GRID2: variants seen among roughly 807,000 people sequenced by gnomAD.
GRID2 encodes glutamate ionotropic receptor delta type subunit 2.
A neutral mutation model predicts 114.8 loss-of-function variants in GRID2; 33 were observed. That is an observed-to-expected ratio of 0.29 (90% CI 0.22 to 0.38). The LOEUF is 0.38. GRID2 is among the 10% of genes least tolerant of loss of function. The probability of loss-of-function intolerance (pLI) is 1.00; values close to 1 mark genes in which losing one functional copy is unlikely to be tolerated. For synonymous variants in GRID2, 505 were observed against 449.9 expected, an observed-to-expected ratio of 1.12 and a Z score of -1.55; for missense variants, 1,184 against 1,257.7, an observed-to-expected ratio of 0.94 and a Z score of 0.89.
At chr4:93,537,107 A>C (rs1732169259) in intron 13 of GRID2, among the ~76,000 whole-genome samples, 1 of 151,650 alleles carries the variant, frequency 6.6e-6, no homozygotes, top group Non-Finnish European at 1.5e-5. Flanking sequence ...GATTATGTAT[A>C]ATTATTTTCT....
intron 1 of GRID2, among the ~76,000 whole-genome samples, chr4:92,528,726 C>G (rs542537489): frequency 2.0e-5 from 3 of 149,862 alleles, no homozygotes; most frequent in South Asian, 4.2e-4. Context: ...AGCTCTCAGA[C>G]TGTAAATGAA....
intron 5 of GRID2, among the ~76,000 whole-genome samples, chr4:93,210,698 G>GAAT (rs1241075299): frequency 1.3e-5 from 2 of 151,982 alleles, no homozygotes; most frequent in East Asian, 3.8e-4. Context: ...GGTGTAACCT[G>GAAT]AATAGACTAG....
At chr4:92,769,342 C>G (rs1738421838) in intron 2 of GRID2, among the ~76,000 whole-genome samples, 1 of 152,220 alleles carries the variant, frequency 6.6e-6, no homozygotes, top group Non-Finnish European at 1.5e-5. Context: ...CAGCCTCCCT[C>G]TCACCTGCTT....
intron 2 of GRID2, among the ~76,000 whole-genome samples, chr4:92,981,128 G>C (rs1457042426): frequency 1.3e-5 from 2 of 151,930 alleles, no homozygotes; most frequent in African/African-American, 2.4e-5. Flanking sequence ...CAATATTTCT[G>C]TATCTTTGGT....
At chr4:93,425,782 C>A (rs182528367) in intron 10 of GRID2, among the ~76,000 whole-genome samples, 3 of 152,256 alleles carry the variant, frequency 2.0e-5, no homozygotes, top group East Asian at 1.9e-4. Context: ...TCTACTTGAG[C>A]TCTGTCGACC....
intron 8 of GRID2, among the ~76,000 whole-genome samples, chr4:93,389,064 G>A (rs1268604263): frequency 1.3e-5 from 2 of 152,138 alleles, no homozygotes; most frequent in East Asian, 1.9e-4. Context: ...AACCTTGTCA[G>A]TTTCATAAAA....
intron 2 of GRID2, among the ~76,000 whole-genome samples, chr4:92,965,917 T>G (rs1254285990): frequency 6.6e-6 from 1 of 151,906 alleles, no homozygotes; most frequent in Non-Finnish European, 1.5e-5. Context: ...GAATTTAGTC[T>G]TCTGACCAAA....
In GRID2 at chr4:92,770,669, C is replaced by G. The variant is rs949310874; in HGVS notation, c.244+180383C>G. The stretch of plus-strand genomic sequence containing the variant: ...TGAATGGTGGCAGGCAAAGAGAGAA[C>G]TTGTGCGGGGAAACTCCCATTTTTA... On this transcript the variant is annotated intron_variant, in intron 2 of 15. Coordinates refer to ENST00000282020, the MANE Select transcript of GRID2 (RefSeq NM_001510.4). 3.9e-5 allele frequency among the ~76,000 whole-genome samples: 6 copies of G among 152,098 alleles called. No individual in the cohort carries two copies. In the East Asian group the frequency reaches 1.2e-3, roughly 29 times the overall value.
chr4:93,033,706 CT>C (rs961126890), intron 2 of GRID2, among the ~76,000 whole-genome samples: 1 of 152,090 alleles, frequency 6.6e-6, no homozygotes, highest in African/African-American at 2.4e-5. Flanking sequence ...TCTGTTTCAA[CT>C]TTTTTTCATT....
intron 4 of GRID2, among the ~76,000 whole-genome samples, chr4:93,128,024 C>CAAA (rs1175904517): frequency 5.8e-4 from 11 of 18,998 alleles, no homozygotes; most frequent in Non-Finnish European, 8.4e-4. Flanking sequence ...TTGTCCCCCG[C>CAAA]AACAAAAAAA....
chr4:92,456,551 G>T (rs1447002501), intron 1 of GRID2, among the ~76,000 whole-genome samples: 1 of 152,060 alleles, frequency 6.6e-6, no homozygotes, highest in African/African-American at 2.4e-5. Flanking sequence ...GCAGAACTCA[G>T]GGGAAAAGGT....
intron 2 of GRID2, among the ~76,000 whole-genome samples, chr4:93,055,830 C>G (rs906041064): frequency 3.3e-5 from 5 of 151,838 alleles, no homozygotes; most frequent in African/African-American, 7.3e-5. Flanking sequence ...AATATGTATC[C>G]GCTGAAATTT....
intron 9 of GRID2, among the ~76,000 whole-genome samples, chr4:93,415,070 C>T (rs1767573249): frequency 6.6e-6 from 1 of 152,044 alleles, no homozygotes; most frequent in African/African-American, 2.4e-5. Context: ...AACATTACTA[C>T]TTCTTATAAT....
intron 1 of GRID2, among the ~76,000 whole-genome samples, chr4:92,523,866 T>C (rs1293387454): frequency 6.6e-6 from 1 of 151,966 alleles, no homozygotes; most frequent in Non-Finnish European, 1.5e-5. Flanking sequence ...GAACTGTAGC[T>C]TTGGTTGTGG....
intron 9 of GRID2, among the ~76,000 whole-genome samples, chr4:93,411,035 C>T (rs916473204): frequency 6.6e-6 from 1 of 152,138 alleles, no homozygotes; most frequent in African/African-American, 2.4e-5. Context: ...CTGCTTCAGA[C>T]TCATTATCCA....
chr4:92,674,786 C>A (rs1733260677), intron 2 of GRID2, among the ~76,000 whole-genome samples: 1 of 152,100 alleles, frequency 6.6e-6, no homozygotes, highest in Non-Finnish European at 1.5e-5. Context: ...CTCCCAAAGT[C>A]CAAAAGTGCT....
chr4:93,466,088 TG>T (rs1203993871), intron 11 of GRID2, among the ~76,000 whole-genome samples: 1 of 152,172 alleles, frequency 6.6e-6, no homozygotes, highest in Non-Finnish European at 1.5e-5. Flanking sequence ...CTTAGGGTTT[TG>T]TTTTGGGAAT....
intron 1 of GRID2, among the ~76,000 whole-genome samples, chr4:92,366,796 C>T (rs1187351400): frequency 6.6e-6 from 1 of 151,930 alleles, no homozygotes; most frequent in African/African-American, 2.4e-5. Context: ...AACAAAATCT[C>T]AGGCTACGAT....
chr4:92,319,530 G>A (rs1726194512), intron 1 of GRID2, among the ~76,000 whole-genome samples: 1 of 152,196 alleles, frequency 6.6e-6, no homozygotes, highest in South Asian at 2.1e-4. Flanking sequence ...AGGATTAGCA[G>A]GGGAGATGCC....
Sources: gnomAD v4.1 joint callset for allele counts (sites outside exome capture counted in the v4.1 genomes callset) on GRCh38, gnomAD v4.1.1 for gene constraint, MANE v1.5 for transcripts, NCBI Gene and HGNC (gene_info 2026-07-23, HGNC 2026-07-21) for gene names.